The following SLC43A1 variants were observed in gnomAD, a reference collection of about 807,000 sequenced individuals.
SLC43A1 encodes large neutral amino acids transporter small subunit 3.
In SLC43A1, 31 loss-of-function variants were observed where a neutral mutation model predicts 59.5. The ratio of observed to expected loss-of-function variants is 0.52; its 90% CI spans 0.39 to 0.70. The LOEUF (loss-of-function observed/expected upper bound fraction) is 0.70. Ranked by LOEUF, SLC43A1 falls within the 30% of genes least tolerant of loss-of-function variation. The pLI is 0.00. For synonymous variants in SLC43A1, 259 were observed against 290.9 expected, an observed-to-expected ratio of 0.89 and a Z score of 1.12; for missense variants, 598 against 717.8, an observed-to-expected ratio of 0.83 and a Z score of 1.91.
chr11:57,496,197 A>T, intron 6 of SLC43A1, 33 bp from the exon 7 acceptor site: 1 of 1,611,234 alleles, frequency 6.2e-7, no homozygotes, highest in Non-Finnish European at 8.5e-7. Context: ...CGTGGGGGAG[A>T]CTGCCTGGCC....
At chr11:57,497,729 A>G in intron 6 of SLC43A1, 24 bp downstream of exon 6, 1 of 1,600,034 alleles carries the variant, frequency 6.2e-7, no homozygotes, top group Non-Finnish European at 8.6e-7. Flanking sequence ...TCAAGACAAA[A>G]AGAAAACCCA....
At chr11:57,487,875 A>T (rs540076994) in intron 13 of SLC43A1, among the ~76,000 whole-genome samples, 1 of 152,160 alleles carries the variant, frequency 6.6e-6, no homozygotes, top group Non-Finnish European at 1.5e-5. Flanking sequence ...GGACTAGTAC[A>T]TGCAAAGATG....
At chr11:57,492,623 AGGAGGCTGAGGCAGG>A (rs1943962015) in intron 8 of SLC43A1, among the ~76,000 whole-genome samples, 1 of 138,146 alleles carries the variant, frequency 7.2e-6, no homozygotes, top group African/African-American at 2.7e-5. Flanking sequence ...CCAGCTACTC[AGGAGGCTGAGGCAGG>A]AGGATCACTT....
Position 57,491,623 on chromosome 11 carries a change from G to T in SLC43A1, c.1022C>A (p.Thr341Lys), listed in dbSNP as rs1943905828. ...TGCCACCTTTTGTTGCTGTTCATTTGTCTCTGTGGGTAGGGAAACGTATGG... is the reference window on the plus strand; with the variant it reads ...TGCCACCTTTTGTTGCTGTTCATTTTTCTCTGTGGGTAGGGAAACGTATGG... Reference protein sequence around the residue: ...YLVTGGQEHETNEQQQKVAET... With the variant: ...YLVTGGQEHEKNEQQQKVAET... The change falls in exon 10 of 15, where the codon ACA becomes AAA. Residue 341 changes from threonine (T) to lysine (K), a missense_variant. Transcript: ENST00000278426. 5.0e-6 allele frequency: 8 copies of T among 1,614,040 alleles called. No homozygotes were observed. The highest frequency in any genetic ancestry group is 1.3e-5 in the African/African-American group (1 of 74,910).
intron 2 of SLC43A1, among the ~76,000 whole-genome samples, chr11:57,508,590 C>G (rs1944449733): frequency 6.6e-6 from 1 of 152,172 alleles, no homozygotes; most frequent in African/African-American, 2.4e-5. Flanking sequence ...TAGAGATAGG[C>G]ATGTTGTACC....
chr11:57,501,270 G>T lies in SLC43A1; in HGVS notation c.214C>A (p.Gln72Lys). The T allele has an allele frequency of 6.2e-7, 1 of 1,612,122 alleles. No individual in the cohort carries two copies. ...AAGCCCAGGTTGAGCATCTCGTCCTGCTGGTCACAGCCTGGCCACCTGCGC... is the reference window on the plus strand; with the variant it reads ...AAGCCCAGGTTGAGCATCTCGTCCTTCTGGTCACAGCCTGGCCACCTGCGC... The part of the protein sequence containing the change: ...EQRRWPGCDQ[Q>K]DEMLNLGFTI... Residue 72 changes from glutamine (Q) to lysine (K), a missense_variant, in exon 3 of 15, where the codon CAG becomes AAG. Coordinates refer to ENST00000278426, the MANE Select transcript of SLC43A1 (RefSeq NM_003627.6).
In SLC43A1 at chr11:57,500,831, G is replaced by T. The variant is rs140786583; in HGVS notation, c.413C>A (p.Ala138Glu). ...VEALSPLIFL[A>E]LSLNGFGGIC... ...GCCACCAAAGCCATTCAGGGACAGC[G>T]CCAGGAATATCAACGGAGACAGAGC... The change falls in exon 5 of 15, where the codon GCG (alanine) becomes GAG (glutamate). Residue 138 changes from alanine to glutamate, a missense_variant. Coordinates refer to ENST00000278426, the MANE Select transcript of SLC43A1 (RefSeq NM_003627.6). The T allele has an allele frequency of 1.2e-6, 2 of 1,614,080 alleles. No homozygotes were observed. The highest frequency in any genetic ancestry group is 1.3e-5 in the African/African-American group (1 of 74,942).
chr11:57,511,274 T>C (rs1426022923), intron 2 of SLC43A1, among the ~76,000 whole-genome samples: 1 of 151,848 alleles, frequency 6.6e-6, no homozygotes, highest in East Asian at 2.0e-4. Context: ...AAAATTTTTT[T>C]TTAATTAGCT....
Position 57,494,044 on chromosome 11 carries a change from C to T in SLC43A1, c.820G>A (p.Ala274Thr). ...KAPSLEDGSD[A>T]FMSPQDVRGT... ...CGAACATCCTGGGGTGACATGAAGGCATCCGAACCGTCCTCCAGGCTGGGG... is the reference window on the plus strand; with the variant it reads ...CGAACATCCTGGGGTGACATGAAGGTATCCGAACCGTCCTCCAGGCTGGGG... The change falls in exon 8 of 15, where the codon GCC becomes ACC. Residue 274 changes from alanine (A) to threonine (T), a missense_variant. Physicochemically the swap from Ala to Thr is moderately conservative, Grantham distance 58. Transcript: ENST00000278426. 1 of 1,610,134 alleles carries T rather than the reference C, an allele frequency of 6.2e-7. No individual in the cohort carries two copies. The highest frequency in any genetic ancestry group is 8.5e-7 in the Non-Finnish European group (1 of 1,178,278).
rs1944636235 is a variant in SLC43A1, at chr11:57,514,633, G to C, written c.-13-509C>G. 5.9e-6 allele frequency: 1 copy of C among 170,556 alleles called. No homozygotes were observed. The highest frequency in any genetic ancestry group is 1.2e-5 in the Non-Finnish European group (1 of 84,012). The allele number at this position is 170,556 out of a possible 1,614,324, so 10.6% of individuals were successfully genotyped here. A position where few individuals can be genotyped will look rare whatever the true frequency, so the allele number is the denominator to read the frequency against. On this transcript the variant is annotated intron_variant, in intron 1 of 14. Coordinates refer to ENST00000278426, the MANE Select transcript of SLC43A1 (RefSeq NM_003627.6). The surrounding 1 kb of genome is among the most constrained non-coding windows in gnomAD (Gnocchi z 5.5). ...CTCCAAGACCTCTCCTTCCCTCTGG[G>C]GCCGGGCGACAGCAAGCCCTCCCCC...
Position 57,514,939 on chromosome 11 carries a change from G to T in SLC43A1, c.-14+505C>A. ...TGGCGGGCGGGTGTGTTTACCAAAGGGAGGGAAAGAGCCCCAGCTCCCCCC... is the reference window on the plus strand; with the variant it reads ...TGGCGGGCGGGTGTGTTTACCAAAGTGAGGGAAAGAGCCCCAGCTCCCCCC... On this transcript the variant is annotated intron_variant, in intron 1 of 14. Transcript: ENST00000278426. The surrounding 1 kb of genome is among the most constrained non-coding windows in gnomAD (Gnocchi z 5.5). The T allele has an allele frequency of 3.1e-6, 3 of 971,582 alleles. No homozygotes were observed. The highest frequency in any genetic ancestry group is 3.7e-6 in the Non-Finnish European group (3 of 817,320). 60.2% of individuals were successfully genotyped at this position (971,582 alleles called of 1,614,324 possible). A position where few individuals can be genotyped will look rare whatever the true frequency, so the allele number is the denominator to read the frequency against.
chr11:57,486,988 G>A, intron 14 of SLC43A1, 107 bp downstream of exon 14: 1 of 1,236,204 alleles, frequency 8.1e-7, no homozygotes, highest in Non-Finnish European at 1.2e-6. Flanking sequence ...AGAGACCTCT[G>A]AGGTGCCTCT....
chr11:57,498,851 G>A (rs1479292524), intron 5 of SLC43A1, among the ~76,000 whole-genome samples: 2 of 152,146 alleles, frequency 1.3e-5, no homozygotes, highest in Non-Finnish European at 2.9e-5. Flanking sequence ...CAAGCCCTCA[G>A]GGCAGGGGAA....
chr11:57,489,509 GA>G, intron 11 of SLC43A1, 117 bp from the exon 12 acceptor site: 1 of 1,276,746 alleles, frequency 7.8e-7, no homozygotes. Flanking sequence ...AGAAAACACA[GA>G]AATCCATGTT....
At chr11:57,502,964 G>A (rs541876150) in intron 2 of SLC43A1, among the ~76,000 whole-genome samples, 1 of 152,174 alleles carries the variant, frequency 6.6e-6, no homozygotes, top group South Asian at 2.1e-4. Context: ...CTGGATACTA[G>A]GGGGTGGTAG....
At chr11:57,489,179 C>A (rs1162329620) in intron 12 of SLC43A1, 72 bp downstream of exon 12, 5 of 1,565,840 alleles carry the variant, frequency 3.2e-6, no homozygotes, top group Non-Finnish European at 4.4e-6. Context: ...TCCTGGAAGG[C>A]AGGTGCTGGA....
Position 57,515,372 on chromosome 11 carries a change from G to C in SLC43A1, c.-14+72C>G, listed in dbSNP as rs1944663105. 6.6e-6 allele frequency: 1 copy of C among 152,264 alleles called. No homozygotes were observed. The highest frequency in any genetic ancestry group is 6.5e-5 in the Admixed American group (1 of 15,288). 9.4% of individuals were successfully genotyped at this position (152,264 alleles called of 1,614,324 possible). The stretch of plus-strand genomic sequence containing the variant: ...AAGCCTGGCAGTGTCGGCGGGAGCC[G>C]GCCTCGGTGTCTCTCAGCCGACGCA... On this transcript the variant is annotated intron_variant, in intron 1 of 14. Transcript: ENST00000278426. This position sits in a 1 kb window ranked among gnomAD's most constrained non-coding sequence, Gnocchi z 5.3.
At chr11:57,495,846 C>T (rs1445052612) in intron 7 of SLC43A1, among the ~76,000 whole-genome samples, 185 bp downstream of exon 7, 2 of 152,060 alleles carry the variant, frequency 1.3e-5, no homozygotes, top group African/African-American at 4.8e-5. Flanking sequence ...CAAACAAAAG[C>T]GACCTGTGGG....
chr11:57,496,513 A>C lies in SLC43A1; in HGVS notation c.559-349T>G, dbSNP rs139358519. Among the ~76,000 whole-genome samples the C allele has an allele frequency of 9.8e-5, 15 of 152,334 alleles. No individual in the cohort carries two copies. The East Asian group carries it at 2.9e-3, about 29-fold the overall frequency. ...CATTCATGTTCATGTTCGCACAAAA[A>C]TGTCCATTTCATAGTACGTACAAAG... On this transcript the variant is annotated intron_variant, in intron 6 of 14. Coordinates refer to ENST00000278426, the MANE Select transcript of SLC43A1 (RefSeq NM_003627.6).
Sources: allele counts gnomAD v4.1 joint callset (sites outside exome capture counted in the v4.1 genomes callset), GRCh38; gene constraint gnomAD v4.1.1; non-coding constraint Gnocchi (gnomAD v3.1); transcripts MANE v1.5; gene names NCBI Gene and HGNC (gene_info 2026-07-23, HGNC 2026-07-21).